BPIFB6: variants seen among roughly 807,000 people sequenced by gnomAD.
The protein encoded by BPIFB6 is BPI fold-containing family B member 6.
In BPIFB6, 47 loss-of-function variants were observed where a neutral mutation model predicts 54.7. The ratio of observed to expected loss-of-function variants is 0.86; its 90% CI spans 0.68 to 1.10. The LOEUF (loss-of-function observed/expected upper bound fraction) is 1.10. Ranked by LOEUF, BPIFB6 falls within the 50% of genes least tolerant of loss-of-function variation. The pLI is 0.00. For missense variants in BPIFB6, 603 were observed against 564.1 expected, an observed-to-expected ratio of 1.07 and a Z score of -0.70; for synonymous variants, 255 against 225.9, an observed-to-expected ratio of 1.13 and a Z score of -1.16.
chr20:33,035,314 G>A (rs1439424764), intron 5 of BPIFB6, among the ~76,000 whole-genome samples, 170 bp downstream of exon 5: 5 of 152,178 alleles, frequency 3.3e-5, no homozygotes, highest in Non-Finnish European at 7.3e-5. Flanking sequence ...ATCTAGTGAT[G>A]TCTGCCATGA....
chr20:33,032,904 G>T, intron 1 of BPIFB6, 80 bp from the exon 2 acceptor site: 2 of 1,130,612 alleles, frequency 1.8e-6, no homozygotes, highest in South Asian at 2.6e-5. Flanking sequence ...CCAGGGTGGG[G>T]CACAGTGACG....
Position 33,039,363 on chromosome 20 carries a change from C to G in BPIFB6, c.917C>G (p.Pro306Arg). ...RFIPEVAVAY[P>R]KSKPLTTQIK... ...TTTCTGTAGGTGGCTGTAGCTTATCCCAAGTCAAAGCCCTTGACGACCCAG... is the reference window on the plus strand; with the variant it reads ...TTTCTGTAGGTGGCTGTAGCTTATCGCAAGTCAAAGCCCTTGACGACCCAG... Residue 306 changes from proline (P) to arginine (R), a missense_variant, in exon 10 of 15, where the codon CCC (proline) becomes CGC (arginine). Transcript: ENST00000349552. 1 of 1,612,214 alleles carries G rather than the reference C, an allele frequency of 6.2e-7. No individual in the cohort carries two copies. Among genetic ancestry groups the G allele is most frequent in the East Asian group, 2.2e-5 (1 of 44,864 alleles).
chr20:33,037,943 T>A (rs1270294212), intron 8 of BPIFB6, among the ~76,000 whole-genome samples: 1 of 152,178 alleles, frequency 6.6e-6, no homozygotes, highest in African/African-American at 2.4e-5. Flanking sequence ...CATCTGTACA[T>A]CCATCAGTCC....
intron 4 of BPIFB6, 61 bp from the exon 5 acceptor site, chr20:33,035,013 ATGTCCTG>A (rs1321343083): frequency 6.2e-7 from 1 of 1,609,494 alleles, no homozygotes; most frequent in African/African-American, 1.3e-5. Context: ...ATGCCCCTTC[ATGTCCTG>A]TGCCTAAATT....
In BPIFB6 at chr20:33,034,933, G is replaced by A. The variant is rs759435001; in HGVS notation, c.452+21G>A. ...AGCAAGTGAGGGGCTCTGTGGCTGG[G>A]GAGGAAGGCCGGTCCATATTGCTAT... is the stretch of plus-strand genomic sequence containing the variant. On this transcript the variant is annotated intron_variant, in intron 4 of 14. Transcript: ENST00000349552. 5.6e-6 allele frequency: 9 copies of A among 1,606,276 alleles called. 1 individual carries two copies. In the South Asian group the frequency reaches 8.8e-5, roughly 16 times the overall value.
At position 33,037,609 on chromosome 20, in the gene BPIFB6, C is replaced by T. The variant is rs77537428; in HGVS notation, c.717C>T (p.Ala239=). 6.9e-4 allele frequency: 1,106 copies of T among 1,613,856 alleles called. 13 individuals are homozygous for T. In the East Asian group the frequency reaches 0.019, roughly 28 times the overall value. ...QKGKTIKLAD[A]GEALTFPEGY... ...GCAAAACCATCAAGCTTGCTGATGC[C>T]GGGGAGGCCCTCACGTTCCCTGAGG... The change falls in exon 8 of 15, where the codon GCC becomes GCT. Residue 239 remains alanine (A), a synonymous_variant. Transcript: ENST00000349552.
chr20:33,037,803 T>C, intron 8 of BPIFB6, 65 bp downstream of exon 8: 2 of 1,557,392 alleles, frequency 1.3e-6, no homozygotes, highest in Non-Finnish European at 1.8e-6. Context: ...CTGCCTAGTT[T>C]TTCTATCATG....
In BPIFB6 at chr20:33,040,293, C is replaced by A. The variant is rs1164179687; in HGVS notation, c.1117C>A (p.Leu373Met). The change falls in exon 11 of 15, where the codon CTG (leucine) becomes ATG (methionine). Residue 373 changes from leucine (L) to methionine (M), a missense_variant. Physicochemically the swap from Leu to Met is conservative, Grantham distance 15. Coordinates refer to ENST00000349552, the MANE Select transcript of BPIFB6 (RefSeq NM_174897.2). ...CCAGTACTCAGTGCATGAGAACCAG[C>A]TGCAGATGGCCACTTCTTTGGACAG... Reference protein sequence around the residue: ...KVQYSVHENQLQMATSLDRLL... With the variant: ...KVQYSVHENQMQMATSLDRLL... 1 of 1,614,156 alleles carries A rather than the reference C, an allele frequency of 6.2e-7. No homozygotes were observed. Among genetic ancestry groups the A allele is most frequent in the Non-Finnish European group, 8.5e-7 (1 of 1,180,012 alleles).
At chr20:33,031,780 G>C in intron 1 of BPIFB6, 36 bp downstream of exon 1, 1 of 1,580,824 alleles carries the variant, frequency 6.3e-7, no homozygotes, top group Non-Finnish European at 8.7e-7. Context: ...GCAGCTGGGA[G>C]GCGGTGCTTG....
chr20:33,037,768 G>A (rs1384219661), intron 8 of BPIFB6, 30 bp downstream of exon 8: 2 of 1,610,136 alleles, frequency 1.2e-6, no homozygotes, highest in South Asian at 2.2e-5. Context: ...ATTTCCATCT[G>A]CCTCTGTCCA....
At chr20:33,034,019 C>A (rs1172189455) in intron 2 of BPIFB6, among the ~76,000 whole-genome samples, 167 bp from the exon 3 acceptor site, 1 of 150,540 alleles carries the variant, frequency 6.6e-6, no homozygotes, top group Admixed American at 6.6e-5. Context: ...CATGTCCAGC[C>A]TTTTGTTTTG....
chr20:33,040,736 T>G (rs1979546698), intron 11 of BPIFB6, among the ~76,000 whole-genome samples: 2 of 152,268 alleles, frequency 1.3e-5, no homozygotes, highest in African/African-American at 4.8e-5. Flanking sequence ...TCTCTATATG[T>G]GAGGCACTGG....
intron 11 of BPIFB6, among the ~76,000 whole-genome samples, chr20:33,041,530 A>G (rs1439247849): frequency 6.6e-6 from 1 of 152,102 alleles, no homozygotes; most frequent in Non-Finnish European, 1.5e-5. Context: ...GAGCAGAGCC[A>G]CCAGATGGCC....
At chr20:33,042,304 T>C (rs1311856854) in intron 12 of BPIFB6, among the ~76,000 whole-genome samples, 1 of 152,214 alleles carries the variant, frequency 6.6e-6, no homozygotes, top group Non-Finnish European at 1.5e-5. Flanking sequence ...AGCTGTTATT[T>C]TTATTAGTCT....
At chr20:33,036,373 T>A (rs1376185502) in intron 6 of BPIFB6, 72 bp from the exon 7 acceptor site, 9 of 1,333,146 alleles carry the variant, frequency 6.8e-6, no homozygotes, top group Non-Finnish European at 8.3e-6. Flanking sequence ...AGGTAGCAGC[T>A]GGCTGGTGCC....
intron 13 of BPIFB6, 106 bp downstream of exon 13, chr20:33,042,984 G>A (rs1979655310): frequency 7.0e-6 from 7 of 995,828 alleles, no homozygotes; most frequent in Middle Eastern, 5.4e-4. Flanking sequence ...CCAGATGGGG[G>A]AAGCTAAAAG....
chr20:33,039,914 G>C lies in BPIFB6; in HGVS notation c.1075-337G>C, dbSNP rs1011829576. Among the ~76,000 whole-genome samples the C allele has an allele frequency of 3.9e-5, 6 of 152,326 alleles. No homozygotes were observed. In the South Asian group the frequency reaches 1.2e-3, roughly 32 times the overall value. On this transcript the variant is annotated intron_variant, in intron 10 of 14. Transcript: ENST00000349552. ...TTGCCAGAGAAGGGTTGGGGACAGA[G>C]AGTCTTACCAGGGAGACTGGGGACA...
At chr20:33,032,220 T>C (rs559201989) in intron 1 of BPIFB6, among the ~76,000 whole-genome samples, 2 of 152,236 alleles carry the variant, frequency 1.3e-5, no homozygotes, top group South Asian at 4.1e-4. Context: ...CTTAGTAAAA[T>C]GTGTTTTCCA....
chr20:33,036,658 C>A, intron 7 of BPIFB6, 122 bp downstream of exon 7: 1 of 914,296 alleles, frequency 1.1e-6, no homozygotes, highest in Non-Finnish European at 1.8e-6. Context: ...CCCCTCAAGC[C>A]GTGGAGGCCA....
Sources: gnomAD v4.1 joint callset for allele counts (sites outside exome capture counted in the v4.1 genomes callset) on GRCh38, gnomAD v4.1.1 for gene constraint, MANE v1.5 for transcripts, NCBI Gene and HGNC (gene_info 2026-07-23, HGNC 2026-07-21) for gene names.